The following PDZRN4 variants were observed in gnomAD, a reference collection of about 807,000 sequenced individuals.
PDZRN4 encodes the protein PDZ domain-containing RING finger protein 4.
PDZRN4 carries 70 observed loss-of-function variants against 99.0 expected under a neutral mutation model. That is an observed-to-expected ratio of 0.71 (90% CI 0.58 to 0.86). PDZRN4 has a LOEUF of 0.86. Among genes scored for constraint, PDZRN4 ranks in the 40% least tolerant of loss-of-function variants. The pLI is 0.00. For missense variants in PDZRN4, 1,474 were observed against 1,331.2 expected, an observed-to-expected ratio of 1.11 and a Z score of -1.67; for synonymous variants, 551 against 501.6, an observed-to-expected ratio of 1.10 and a Z score of -1.32.
intron 3 of PDZRN4, among the ~76,000 whole-genome samples, chr12:41,197,405 C>CTT (rs1950780596): frequency 6.6e-6 from 1 of 151,948 alleles, no homozygotes; most frequent in Non-Finnish European, 1.5e-5. Context: ...ATTAGGTAAA[C>CTT]CTATGTCATA....
chr12:41,339,047 T>A (rs962863348), intron 3 of PDZRN4, among the ~76,000 whole-genome samples: 1 of 151,798 alleles, frequency 6.6e-6, no homozygotes, highest in African/African-American at 2.4e-5. Flanking sequence ...CCAATGATGT[T>A]CTTCACAGAA....
chr12:41,348,504 A>C (rs1951869734), intron 3 of PDZRN4, among the ~76,000 whole-genome samples: 1 of 152,140 alleles, frequency 6.6e-6, no homozygotes, highest in African/African-American at 2.4e-5. Flanking sequence ...TTGCAGTAAA[A>C]GTTAAAAAAA....
chr12:41,294,563 C>A (rs931987341), intron 3 of PDZRN4, among the ~76,000 whole-genome samples: 6 of 152,014 alleles, frequency 3.9e-5, no homozygotes, highest in Non-Finnish European at 7.4e-5. Context: ...AATTATTTTA[C>A]TTAAAATAGT....
At chr12:41,197,013 C>T (rs1309326519) in intron 3 of PDZRN4, among the ~76,000 whole-genome samples, 3 of 151,846 alleles carry the variant, frequency 2.0e-5, no homozygotes, top group Non-Finnish European at 4.4e-5. Flanking sequence ...CACAATCTGA[C>T]ACATTACTAA....
At chr12:41,304,381 G>A (rs1360056265) in intron 3 of PDZRN4, among the ~76,000 whole-genome samples, 1 of 152,120 alleles carries the variant, frequency 6.6e-6, no homozygotes, top group Non-Finnish European at 1.5e-5. Context: ...CCTTGATTTA[G>A]TGCTTATCTC....
At chr12:41,317,104 C>T (rs1375282831) in intron 3 of PDZRN4, among the ~76,000 whole-genome samples, 3 of 91,868 alleles carry the variant, frequency 3.3e-5, no homozygotes, top group Non-Finnish European at 5.1e-5. Context: ...AGAGAATTAT[C>T]TATGTGGTAT....
intron 3 of PDZRN4, among the ~76,000 whole-genome samples, chr12:41,387,933 C>T (rs1193901698): frequency 6.6e-6 from 1 of 152,152 alleles, no homozygotes; most frequent in Non-Finnish European, 1.5e-5. Context: ...TGGATATATT[C>T]CCAAAGGAGT....
chr12:41,390,335 T>C (rs10880071), intron 3 of PDZRN4, among the ~76,000 whole-genome samples: 66,877 of 151,696 alleles, frequency 0.44, 14,700 homozygotes, highest in South Asian at 0.5. Flanking sequence ...CCTGAGATAT[T>C]TGCGTTAATG....
At chr12:41,231,447 A>G (rs1226138501) in intron 3 of PDZRN4, among the ~76,000 whole-genome samples, 1 of 152,066 alleles carries the variant, frequency 6.6e-6, no homozygotes, top group African/African-American at 2.4e-5. Flanking sequence ...GCAAGGTAGT[A>G]TAGCTAACTT....
chr12:41,535,751 T>C (rs1036243939), intron 5 of PDZRN4, among the ~76,000 whole-genome samples: 2 of 152,214 alleles, frequency 1.3e-5, no homozygotes, highest in Non-Finnish European at 2.9e-5. Flanking sequence ...CCTTTTTCTC[T>C]GTCTCTCTTT....
intron 3 of PDZRN4, among the ~76,000 whole-genome samples, chr12:41,285,822 A>G (rs1272250652): frequency 1.3e-5 from 2 of 150,382 alleles, no homozygotes; most frequent in Non-Finnish European, 3.0e-5. Context: ...GGGCACAAGG[A>G]GGGGAACATC....
intron 3 of PDZRN4, among the ~76,000 whole-genome samples, chr12:41,370,874 A>G (rs926652798): frequency 1.3e-5 from 2 of 151,590 alleles, no homozygotes; most frequent in South Asian, 4.2e-4. Context: ...TCTATTTTAA[A>G]TATTCCCTTT....
At chr12:41,388,559 T>G (rs926778164) in intron 3 of PDZRN4, among the ~76,000 whole-genome samples, 2 of 152,174 alleles carry the variant, frequency 1.3e-5, no homozygotes, top group African/African-American at 2.4e-5. Flanking sequence ...ATTGCTGTTT[T>G]GAGAATAGAC....
chr12:41,307,634 A>T (rs1229996275), intron 3 of PDZRN4, among the ~76,000 whole-genome samples: 1 of 149,102 alleles, frequency 6.7e-6, no homozygotes, highest in East Asian at 2.0e-4. Flanking sequence ...TTTGGTAAAC[A>T]TTTATTTGTA....
intron 3 of PDZRN4, among the ~76,000 whole-genome samples, chr12:41,304,755 T>C (rs1951558441): frequency 6.6e-6 from 1 of 152,214 alleles, no homozygotes; most frequent in Non-Finnish European, 1.5e-5. Context: ...ATCATTTCAA[T>C]AGAGAGTAGT....
intron 3 of PDZRN4, among the ~76,000 whole-genome samples, chr12:41,428,469 T>C (rs916772193): frequency 6.6e-6 from 1 of 152,154 alleles, no homozygotes; most frequent in African/African-American, 2.4e-5. Flanking sequence ...GAGAGAGGAA[T>C]GAACATGTAT....
At chr12:41,476,687 C>A (rs191903967) in intron 3 of PDZRN4, among the ~76,000 whole-genome samples, 162 of 152,296 alleles carry the variant, frequency 1.1e-3, no homozygotes, top group African/African-American at 3.8e-3. Context: ...AAAGGTGACA[C>A]ATTGTTGACA....
intron 3 of PDZRN4, among the ~76,000 whole-genome samples, chr12:41,271,815 A>G (rs1951316019): frequency 6.6e-6 from 1 of 152,088 alleles, no homozygotes; most frequent in South Asian, 2.1e-4. Context: ...TTCTATTACA[A>G]TTGCATTGAA....
At chr12:41,235,687 T>G (rs1951062081) in intron 3 of PDZRN4, among the ~76,000 whole-genome samples, 1 of 152,168 alleles carries the variant, frequency 6.6e-6, no homozygotes. Context: ...TTTGAAAATT[T>G]TAAAAACCCT....
Sources: gnomAD v4.1 joint callset for allele counts (sites outside exome capture counted in the v4.1 genomes callset) on GRCh38, gnomAD v4.1.1 for gene constraint, MANE v1.5 for transcripts, NCBI Gene and HGNC (gene_info 2026-07-23, HGNC 2026-07-21) for gene names.